The following POLR2F variants were observed in gnomAD, a reference collection of about 807,000 sequenced individuals.
POLR2F encodes the protein RNA polymerase II, I and III subunit F.
Under a neutral mutation model 22.7 loss-of-function variants are expected in POLR2F, and 12 were observed. That is an observed-to-expected ratio of 0.53 (90% CI 0.34 to 0.86). The LOEUF is 0.86. POLR2F is among the 40% of genes least tolerant of loss of function. The probability of loss-of-function intolerance (pLI) is 0.02; values close to 1 mark genes in which losing one functional copy is unlikely to be tolerated. For missense variants in POLR2F, 126 were observed against 171.5 expected (o/e 0.73, Z 1.48); for synonymous variants, 57 against 66.0 (o/e 0.86, Z 0.66).
rs188000307 is a variant in POLR2F at position 37,978,809 on chromosome 22, C to T, written c.293+11639C>T. ...TTTTTTTTTCTGTGAGGGAATCTCA[C>T]TCTGTCACCCATGCTAGAGCTCAGT... On this transcript the variant is annotated intron_variant, in intron 4 of 4. Coordinates refer to the POLR2F transcript ENST00000405557. The surrounding 1 kb of genome is among the most constrained non-coding windows in gnomAD (Gnocchi z 5.0). Among the ~76,000 whole-genome samples, 81 of 152,138 alleles carry T rather than the reference C, an allele frequency of 5.3e-4. No homozygotes were observed. The highest frequency in any genetic ancestry group is 1.4e-3 in the African/African-American group (59 of 41,494).
At chr22:38,026,512 A>ATTTTTTAAT in exon 3 of POLR2F, 2 of 350,102 alleles carry the variant, frequency 5.7e-6, no homozygotes, top group Non-Finnish European at 1.1e-5. Context: ...TTCTGAGAGC[A>ATTTTTTAAT]GAGGAGGGAA....
Position 37,956,778 on chromosome 22 carries a change from A to T in POLR2F, c.26A>T (p.Asp9Val). The change falls in exon 2 of 5, where the codon GAT (aspartate) becomes GTT (valine). Residue 9 changes from aspartate (D) to valine (V), a missense_variant. By Grantham distance (152) the Asp-to-Val change is radical. Coordinates refer to ENST00000442738, the MANE Select transcript of POLR2F (RefSeq NM_021974.5). ...GATCTCTTCTTCCTGTACAGTTTTG[A>T]TGGCGACGACTTTGATGATGTGGAG... is the stretch of plus-strand genomic sequence containing the variant. The part of the protein sequence containing the change: MSDNEDNF[D>V]GDDFDDVEED... The T allele has an allele frequency of 6.2e-7, 1 of 1,613,602 alleles. No individual in the cohort carries two copies. The highest frequency in any genetic ancestry group is 8.5e-7 in the Non-Finnish European group (1 of 1,179,534).
At chr22:38,025,688 G>A (rs770301184) in intron 1 of POLR2F, 18 of 1,542,192 alleles carry the variant, frequency 1.2e-5, no homozygotes, top group Middle Eastern at 1.7e-4. Flanking sequence ...AGTCCTGCTG[G>A]GTGGATATCA....
In POLR2F at chr22:37,986,550, T is replaced by A; in HGVS notation, c.120+238T>A. On this transcript the variant is annotated intron_variant, in intron 1 of 2. Coordinates refer to the POLR2F transcript ENST00000333418. The surrounding 1 kb of genome is among the most constrained non-coding windows in gnomAD (Gnocchi z 4.7). ...AGCTGTGCCAGGATGGGGGTGGGGG[T>A]AGCAGTGGGCACGCTCTGTCTGCAG... The A allele has an allele frequency of 1.1e-6, 1 of 931,486 alleles. No individual in the cohort carries two copies. Among genetic ancestry groups the A allele is most frequent in the Non-Finnish European group, 1.7e-6 (1 of 595,992 alleles). 57.7% of individuals were successfully genotyped at this position (931,486 alleles called of 1,614,324 possible).
At chr22:38,032,631 C>G (rs905489174) in intron 5 of POLR2F, 1 of 152,304 alleles carries the variant, frequency 6.6e-6, no homozygotes, top group Non-Finnish European at 1.5e-5. Context: ...CCTGTCCACA[C>G]CCTGATTGGG....
upstream of POLR2F, chr22:37,985,054 AGCCCTTTCT>A (rs1027700559): frequency 2.0e-5 from 3 of 152,436 alleles, no homozygotes; most frequent in African/African-American, 7.3e-5. Flanking sequence ...TTTCCCAGGC[AGCCCTTTCT>A]GCCCCATCCT....
At chr22:38,023,839 A>ATT (rs56162997) in intron 1 of POLR2F, among the ~76,000 whole-genome samples, 1,491 of 115,356 alleles carry the variant, frequency 0.013, 37 homozygotes, top group East Asian at 0.089. Flanking sequence ...CGCCTGGCTA[A>ATT]TTTTTTTTTT....
intron 5 of POLR2F, among the ~76,000 whole-genome samples, chr22:38,033,600 C>A (rs530701284): frequency 2.6e-5 from 4 of 152,366 alleles, no homozygotes; most frequent in African/African-American, 9.6e-5. Context: ...GCCAAGCCTG[C>A]TCCCCCAGTG....
chr22:38,024,572 T>C (rs1036588987), intron 1 of POLR2F, among the ~76,000 whole-genome samples: 1 of 151,618 alleles, frequency 6.6e-6, no homozygotes, highest in Admixed American at 6.6e-5. Context: ...ATTATGGGGG[T>C]GCAGGAGGGC....
upstream of POLR2F, chr22:37,985,982 T>G: frequency 1.3e-5 from 14 of 1,092,548 alleles, no homozygotes; most frequent in Admixed American, 3.3e-5. Flanking sequence ...TCCCCCCAGT[T>G]TTCCTCGACG....
Position 38,031,735 on chromosome 22 carries a change from C to T in POLR2F, c.453-9333C>T, listed in dbSNP as rs1404309708. Among the ~76,000 whole-genome samples the T allele has an allele frequency of 6.6e-6, 1 of 152,190 alleles. No individual in the cohort carries two copies. Among genetic ancestry groups the T allele is most frequent in the Non-Finnish European group, 1.5e-5 (1 of 68,046 alleles). On this transcript the variant is annotated intron_variant, in intron 5 of 5. Coordinates refer to the POLR2F transcript ENST00000407936. This position sits in a 1 kb window ranked among gnomAD's most constrained non-coding sequence, Gnocchi z 4.1. ...AAGTGCTGTGAGTCCATGTCTCAAA[C>T]CCGCGTCACCATGCTGCCCCCAGAC...
At chr22:37,994,929 G>A (rs149472514) in intron 1 of POLR2F, among the ~76,000 whole-genome samples, 2 of 152,220 alleles carry the variant, frequency 1.3e-5, no homozygotes, top group African/African-American at 4.8e-5. Context: ...ATAGGTGTGC[G>A]CCACCTGCAC....
intron 1 of POLR2F, among the ~76,000 whole-genome samples, chr22:38,001,815 GA>G (rs2084772803): frequency 1.3e-5 from 2 of 151,494 alleles, no homozygotes; most frequent in African/African-American, 4.9e-5. Flanking sequence ...TTACAAGTGT[GA>G]GCCACCTTGC....
At chr22:38,007,897 T>A (rs1476964925) in intron 1 of POLR2F, among the ~76,000 whole-genome samples, 1 of 152,194 alleles carries the variant, frequency 6.6e-6, no homozygotes, top group African/African-American at 2.4e-5. Flanking sequence ...GCAGCCCACT[T>A]GCCTTCAGAG....
chr22:37,966,441 G>A (rs1931854905), intron 3 of POLR2F, among the ~76,000 whole-genome samples: 1 of 151,978 alleles, frequency 6.6e-6, no homozygotes, highest in African/African-American at 2.4e-5. Flanking sequence ...GGCTGGGCAG[G>A]AAGGGCAGGG....
chr22:38,022,876 T>C (rs2084972707), intron 1 of POLR2F, among the ~76,000 whole-genome samples: 1 of 152,070 alleles, frequency 6.6e-6, no homozygotes, highest in South Asian at 2.1e-4. Flanking sequence ...TAGCCGGGCA[T>C]GGTGGGCACC....
intron 1 of POLR2F, among the ~76,000 whole-genome samples, chr22:38,025,092 T>A (rs2084994564): frequency 6.6e-6 from 1 of 152,124 alleles, no homozygotes; most frequent in Admixed American, 6.5e-5. Context: ...TCTCCTGGTG[T>A]CCTGGTCCCT....
rs771910383 is a variant in POLR2F, at chr22:37,976,137, C to T, written c.293+8967C>T. 1.2e-4 allele frequency among the ~76,000 whole-genome samples: 18 copies of T among 152,128 alleles called. No homozygotes were observed. The East Asian group carries it at 2.3e-3, about 20-fold the overall frequency. ...ACTTAGGAGGCTGAGGCACAAGAAT[C>T]GCTTAAACCCAGGAGGCAGACGTTG... On this transcript the variant is annotated intron_variant, in intron 4 of 4. Coordinates refer to the POLR2F transcript ENST00000405557.
intron 1 of POLR2F, among the ~76,000 whole-genome samples, chr22:38,008,045 G>A (rs1368019170): frequency 6.6e-6 from 1 of 152,042 alleles, no homozygotes; most frequent in East Asian, 1.9e-4. Flanking sequence ...TTTGAGACCA[G>A]CCTGGCCAAC....
Sources: allele counts gnomAD v4.1 joint callset (sites outside exome capture counted in the v4.1 genomes callset), GRCh38; gene constraint gnomAD v4.1.1; non-coding constraint Gnocchi (gnomAD v3.1); transcripts MANE v1.5; gene names NCBI Gene and HGNC (gene_info 2026-07-23, HGNC 2026-07-21).